The following PCDHA7 variants were observed in gnomAD, a reference collection of about 807,000 sequenced individuals.
PCDHA7 encodes the protein protocadherin alpha 7, also known as protocadherin alpha-7.
PCDHA7 carries 37 observed loss-of-function variants against 57.2 expected under a neutral mutation model. The observed-to-expected ratio is 0.65, with a 90% confidence interval of 0.50 to 0.85. PCDHA7 has a LOEUF of 0.85. Among genes scored for constraint, PCDHA7 ranks in the 40% least tolerant of loss-of-function variants. The pLI is 0.00. For missense variants in PCDHA7, 1,188 were observed against 1,241.8 expected (o/e 0.96, Z 0.65); for synonymous variants, 553 against 558.8 (o/e 0.99, Z 0.15).
chr5:140,959,642 A>G (rs1352450996), intron 1 of PCDHA7, among the ~76,000 whole-genome samples: 7 of 152,230 alleles, frequency 4.6e-5, no homozygotes, highest in African/African-American at 1.7e-4. Flanking sequence ...GAAAAAACAC[A>G]GAAGCAAAAT....
chr5:140,980,724 T>G (rs2096903192), intron 2 of PCDHA7, among the ~76,000 whole-genome samples: 1 of 152,176 alleles, frequency 6.6e-6, no homozygotes, highest in Non-Finnish European at 1.5e-5. Flanking sequence ...GGGTTTCAAT[T>G]AAGATATTAT....
intron 1 of PCDHA7, chr5:140,854,500 C>T (rs1489975615): frequency 2.0e-5 from 3 of 149,908 alleles, no homozygotes; most frequent in Non-Finnish European, 3.0e-5. Context: ...TAGTAGGACA[C>T]ATAAACTGAT....
At chr5:140,869,964 T>C (rs546576795) in intron 1 of PCDHA7, 1 of 1,613,046 alleles carries the variant, frequency 6.2e-7, no homozygotes, top group Non-Finnish European at 8.5e-7. Context: ...TTAAGCCCAA[T>C]GGAAGACACT....
rs2084561103 is a variant in PCDHA7 at position 140,927,726 on chromosome 5, A to G, written c.2356-51223A>G. On this transcript the variant is annotated intron_variant, in intron 1 of 3. Transcript: ENST00000525929. ...ACTCCCTAAGCAACAGCACGCAAGCAGAGCTGCGACACCGCTTTCACGTGC... is the reference window on the plus strand; with the variant it reads ...ACTCCCTAAGCAACAGCACGCAAGCGGAGCTGCGACACCGCTTTCACGTGC... 6 of 1,614,220 alleles carry G rather than the reference A, an allele frequency of 3.7e-6. No individual in the cohort carries two copies. The African/African-American group carries it at 8.0e-5, about 22-fold the overall frequency.
chr5:140,873,436 A>G (rs1159512158), intron 1 of PCDHA7, among the ~76,000 whole-genome samples: 1 of 152,214 alleles, frequency 6.6e-6, no homozygotes, highest in Non-Finnish European at 1.5e-5. Flanking sequence ...TTTATATCAC[A>G]TAAATAACAA....
rs2153463747 is a variant in PCDHA7 at position 140,899,363 on chromosome 5, C to G, written c.2355+62625C>G. On this transcript the variant is annotated intron_variant, in intron 1 of 3. Coordinates refer to ENST00000525929, the MANE Select transcript of PCDHA7 (RefSeq NM_018910.3). ...AGCTCTTATTATTTTGAGATATGTC[C>G]CATCAATACCTAATTTATTGAGAGT... Among the ~76,000 whole-genome samples, 3 of 152,122 alleles carry G rather than the reference C, an allele frequency of 2.0e-5. No individual in the cohort carries two copies. The South Asian group carries it at 6.2e-4, about 32-fold the overall frequency.
chr5:140,968,363 G>A, intron 1 of PCDHA7: 1 of 1,614,090 alleles, frequency 6.2e-7, no homozygotes, highest in Non-Finnish European at 8.5e-7. Flanking sequence ...CAGCCTTTAT[G>A]CTGTCAACTC....
At chr5:140,917,047 G>A (rs183820401) in intron 1 of PCDHA7, among the ~76,000 whole-genome samples, 11 of 152,262 alleles carry the variant, frequency 7.2e-5, no homozygotes, top group Admixed American at 5.2e-4. Context: ...GCACAGTGTT[G>A]TTCCCTGCTA....
At chr5:140,979,052 G>T (rs2096833352) in intron 2 of PCDHA7, 45 bp downstream of exon 2, 1 of 1,609,668 alleles carries the variant, frequency 6.2e-7, no homozygotes, top group Non-Finnish European at 8.5e-7. Context: ...CCTTAACTTG[G>T]TATGGCTCAG....
chr5:140,841,365 T>C (rs1238477201), intron 1 of PCDHA7: 13 of 1,613,134 alleles, frequency 8.1e-6, no homozygotes, highest in Non-Finnish European at 1.1e-5. Context: ...TGGCGACTAC[T>C]ACTCTTGCTT....
chr5:140,850,638 C>T (rs2150491842), intron 1 of PCDHA7: 3 of 1,598,668 alleles, frequency 1.9e-6, no homozygotes, highest in Non-Finnish European at 2.6e-6. Context: ...GGTTCTCACG[C>T]TGCTGCTGTA....
rs782030896 is a variant in PCDHA7, at chr5:140,857,680, G to C, written c.2355+20942G>C. ...CGCGCGATGGGGGCGTGCCGCCTCT[G>C]GGCAGCAACTTGACGCTGCAGGTGT... On this transcript the variant is annotated intron_variant, in intron 1 of 3. Coordinates refer to ENST00000525929, the MANE Select transcript of PCDHA7 (RefSeq NM_018910.3). 20 of 1,597,122 alleles carry C rather than the reference G, an allele frequency of 1.3e-5. 2 individuals are homozygous for C. Among genetic ancestry groups the C allele is most frequent in the South Asian group, 2.2e-5 (2 of 90,508 alleles).
chr5:140,928,485 C>T, intron 1 of PCDHA7: 2 of 1,614,136 alleles, frequency 1.2e-6, no homozygotes, highest in Non-Finnish European at 1.7e-6. Context: ...GGGATGGTGG[C>T]ATTCCTCCCA....
At chr5:140,857,859 C>T (rs1554150765) in intron 1 of PCDHA7, 3 of 1,597,718 alleles carry the variant, frequency 1.9e-6, no homozygotes, top group Non-Finnish European at 2.6e-6. Context: ...GGATACAACG[C>T]GTGGCTGTCG....
At chr5:140,995,393 G>T (rs1267179638) in intron 3 of PCDHA7, among the ~76,000 whole-genome samples, 5 of 152,184 alleles carry the variant, frequency 3.3e-5, no homozygotes, top group Non-Finnish European at 7.3e-5. Flanking sequence ...GATAAAGCGG[G>T]ATGGCTCGAG....
chr5:140,883,886 T>C, intron 1 of PCDHA7: 1 of 1,613,156 alleles, frequency 6.2e-7, no homozygotes, highest in Non-Finnish European at 8.5e-7. Flanking sequence ...CGCGCGCGAC[T>C]CTGGCGTGCC....
Position 140,856,227 on chromosome 5 carries a change from A to C in PCDHA7, c.2355+19489A>C, listed in dbSNP as rs149352769. 4,605 of 1,597,986 alleles carry C rather than the reference A, an allele frequency of 2.9e-3. 355 individuals carry two copies. The highest frequency in any genetic ancestry group is 0.01 in the Middle Eastern group (60 of 5,808). ...GGGCTGGAGCTGGCGGAGCTGGTGC[A>C]GCGCCTGTTCCGGGTGGCGTCCAAA... On this transcript the variant is annotated intron_variant, in intron 1 of 3. Transcript: ENST00000525929.
chr5:140,943,529 A>C (rs1291911076), intron 1 of PCDHA7, among the ~76,000 whole-genome samples: 1 of 152,220 alleles, frequency 6.6e-6, no homozygotes, highest in Non-Finnish European at 1.5e-5. Flanking sequence ...TCAGTATGCA[A>C]AATGTCATGT....
chr5:140,971,035 C>T (rs1251023371), intron 1 of PCDHA7, among the ~76,000 whole-genome samples: 1 of 152,098 alleles, frequency 6.6e-6, no homozygotes, highest in African/African-American at 2.4e-5. Flanking sequence ...TTTGAAAGCA[C>T]GTAAAAGGGT....
Sources: gnomAD v4.1 joint callset for allele counts (sites outside exome capture counted in the v4.1 genomes callset) on GRCh38, gnomAD v4.1.1 for gene constraint, MANE v1.5 for transcripts, NCBI Gene and HGNC (gene_info 2026-07-23, HGNC 2026-07-21) for gene names.